Variants in XPNPEP3 observed in about 807,000 individuals in gnomAD.
The protein encoded by XPNPEP3 is X-prolyl aminopeptidase 3, also known as xaa-Pro aminopeptidase 3.
A neutral mutation model predicts 60.0 loss-of-function variants in XPNPEP3; 41 were observed. The ratio of observed to expected loss-of-function variants is 0.68; its 90% confidence interval spans 0.53 to 0.89. XPNPEP3 has a LOEUF of 0.89. Ranked by LOEUF, XPNPEP3 falls within the 40% of genes least tolerant of loss-of-function variation. The pLI is 0.00. For missense variants in XPNPEP3, 598 were observed against 638.9 expected (o/e 0.94, Z 0.69); for synonymous variants, 212 against 223.2 (o/e 0.95, Z 0.45).
chr22:40,923,121 G>A (rs1274947150), intron 8 of XPNPEP3, among the ~76,000 whole-genome samples: 1 of 151,832 alleles, frequency 6.6e-6, no homozygotes, highest in African/African-American at 2.4e-5. Context: ...GTTGAGGTGG[G>A]AGGATCACTT....
chr22:40,869,332 A>G (rs1439644970), intron 2 of XPNPEP3, among the ~76,000 whole-genome samples: 1 of 152,174 alleles, frequency 6.6e-6, no homozygotes, highest in African/African-American at 2.4e-5. Context: ...AAGCTTAACT[A>G]CATGTGGGTA....
chr22:40,915,551 GAA>G (rs552550340), intron 7 of XPNPEP3, among the ~76,000 whole-genome samples: 10 of 127,518 alleles, frequency 7.8e-5, no homozygotes, highest in Non-Finnish European at 5.0e-5. Flanking sequence ...GACTCTATCT[GAA>G]AAAAAAAAAA....
chr22:40,878,547 TCTTAC>T (rs1280446417), intron 2 of XPNPEP3, among the ~76,000 whole-genome samples: 4 of 152,132 alleles, frequency 2.6e-5, no homozygotes, highest in South Asian at 2.1e-4. Context: ...TTATGGATTT[TCTTAC>T]CTTCTGAAAT....
rs112420670 is a variant in XPNPEP3, at chr22:40,904,560, A to T, written c.793-3027A>T. ...CAAGACCCCATCTCTTAAAAAAAAA[A>T]TTTTTTTAAGCCATGACAACAATTA... is the stretch of plus-strand genomic sequence containing the variant. On this transcript the variant is annotated intron_variant, in intron 4 of 9. Coordinates refer to ENST00000357137, the MANE Select transcript of XPNPEP3 (RefSeq NM_022098.4). Among the ~76,000 whole-genome samples, 683 of 152,076 alleles carry T rather than the reference A, an allele frequency of 4.5e-3. 7 individuals are homozygous for T. Among genetic ancestry groups the T allele is most frequent in the Middle Eastern group, 0.027 (8 of 294 alleles).
intron 3 of XPNPEP3, 36 bp downstream of exon 3, chr22:40,882,213 G>T: frequency 6.2e-7 from 1 of 1,612,328 alleles, no homozygotes. Context: ...TTACAAACCA[G>T]ATTGGGATTA....
At chr22:40,883,774 A>C (rs187890737) in intron 3 of XPNPEP3, among the ~76,000 whole-genome samples, 4 of 152,304 alleles carry the variant, frequency 2.6e-5, no homozygotes, top group Admixed American at 2.6e-4. Flanking sequence ...TTCAGAACCT[A>C]CACCACATTA....
At chr22:40,886,860 A>T (rs1423419610) in intron 4 of XPNPEP3, among the ~76,000 whole-genome samples, 3 of 151,700 alleles carry the variant, frequency 2.0e-5, no homozygotes, top group Non-Finnish European at 4.4e-5. Context: ...AAAAAGAAAA[A>T]GTTTTTTCCA....
chr22:40,861,146 T>G, intron 1 of XPNPEP3: 1 of 1,614,136 alleles, frequency 6.2e-7, no homozygotes, highest in Non-Finnish European at 8.5e-7. Flanking sequence ...TGACTCCTGC[T>G]GAGAAAATAG....
In XPNPEP3 at chr22:40,869,066, A is replaced by G. The variant is rs1348053095; in HGVS notation, c.132A>G (p.Arg44=). The change falls in exon 2 of 10, where the codon CGA becomes CGG. Residue 44 remains arginine (R), a synonymous_variant. Coordinates refer to ENST00000357137, the MANE Select transcript of XPNPEP3 (RefSeq NM_022098.4). The stretch of plus-strand genomic sequence containing the variant: ...TCCCAGAAAGGAGGATTCCAAACCG[A>G]TACTTAGGCCAGCCCAGCCCCTTTA... ...QPVPERRIPN[R]YLGQPSPFTH... is the part of the protein sequence containing the mutation. 6.2e-7 allele frequency: 1 copy of G among 1,614,108 alleles called. No homozygotes were observed.
At chr22:40,873,542 G>C (rs1332069580) in intron 2 of XPNPEP3, among the ~76,000 whole-genome samples, 1 of 152,124 alleles carries the variant, frequency 6.6e-6, no homozygotes, top group Non-Finnish European at 1.5e-5. Context: ...GCAGAAGCCA[G>C]GTGCGGTGGC....
At chr22:40,869,188 G>T (rs1270029202) in intron 2 of XPNPEP3, 73 bp downstream of exon 2, 1 of 1,309,242 alleles carries the variant, frequency 7.6e-7, no homozygotes, top group African/African-American at 1.5e-5. Flanking sequence ...AGAACTTCTT[G>T]CAGTAAGCTC....
At chr22:40,922,136 G>A (rs2058218742) in intron 7 of XPNPEP3, among the ~76,000 whole-genome samples, 197 bp from the exon 8 acceptor site, 1 of 152,092 alleles carries the variant, frequency 6.6e-6, no homozygotes, top group African/African-American at 2.4e-5. Context: ...GCTCCAGCTT[G>A]AAGGATTGTT....
chr22:40,876,112 T>G (rs758351307), intron 2 of XPNPEP3, among the ~76,000 whole-genome samples: 1 of 152,214 alleles, frequency 6.6e-6, no homozygotes, highest in Non-Finnish European at 1.5e-5. Context: ...AGGTAAAGAT[T>G]AGCAAGAATC....
intron 2 of XPNPEP3, among the ~76,000 whole-genome samples, chr22:40,881,456 CAAAA>C (rs371356285): frequency 8.3e-6 from 1 of 120,118 alleles, no homozygotes; most frequent in African/African-American, 3.0e-5. Flanking sequence ...AACTCTGTCT[CAAAA>C]AAAAAAAAAA....
At chr22:40,871,763 G>A (rs762796389) in intron 2 of XPNPEP3, among the ~76,000 whole-genome samples, 12 of 151,998 alleles carry the variant, frequency 7.9e-5, no homozygotes, top group Non-Finnish European at 1.6e-4. Context: ...GGCCAGGCGC[G>A]GTGGCTCACA....
chr22:40,893,258 A>G (rs1295579863), intron 4 of XPNPEP3, among the ~76,000 whole-genome samples: 1 of 150,660 alleles, frequency 6.6e-6, no homozygotes, highest in Non-Finnish European at 1.5e-5. Context: ...CTGTAATCCC[A>G]GCACTTTGGG....
intron 3 of XPNPEP3, among the ~76,000 whole-genome samples, chr22:40,884,496 A>AT (rs2058060826): frequency 6.7e-6 from 1 of 149,958 alleles, no homozygotes; most frequent in South Asian, 2.1e-4. Context: ...TGCCCGGGGA[A>AT]TTTTTCTGTT....
chr22:40,900,450 C>T (rs1165459313), intron 4 of XPNPEP3, among the ~76,000 whole-genome samples: 1 of 151,366 alleles, frequency 6.6e-6, no homozygotes, highest in Admixed American at 6.6e-5. Context: ...ATTAAAAATA[C>T]AAAAAATTAG....
chr22:40,905,979 G>A (rs1024266599), intron 4 of XPNPEP3, among the ~76,000 whole-genome samples: 1 of 152,058 alleles, frequency 6.6e-6, no homozygotes, highest in Non-Finnish European at 1.5e-5. Flanking sequence ...TTTTAGTAGA[G>A]ATGGGGTTTC....
Sources: gnomAD v4.1 joint callset for allele counts (sites outside exome capture counted in the v4.1 genomes callset) on GRCh38, gnomAD v4.1.1 for gene constraint, MANE v1.5 for transcripts, NCBI Gene and HGNC (gene_info 2026-07-23, HGNC 2026-07-21) for gene names.